Variants in SEPTIN10 observed in about 807,000 individuals in gnomAD.
SEPTIN10 encodes septin-10.
Under a neutral mutation model 54.8 loss-of-function variants are expected in SEPTIN10, and 66 were observed. That is an observed-to-expected ratio of 1.21 (90% CI 0.99 to 1.48). The LOEUF (loss-of-function observed/expected upper bound fraction) is 1.48, where lower values mean the gene tolerates loss of function less well. Among genes scored for constraint, SEPTIN10 ranks in the 40% most tolerant of loss-of-function variants. The pLI, the probability that SEPTIN10 is intolerant of heterozygous loss-of-function variation, is 0.00. For missense variants in SEPTIN10, 620 were observed against 545.6 expected, an observed-to-expected ratio of 1.14 and a Z score of -1.36; for synonymous variants, 161 against 181.0, an observed-to-expected ratio of 0.89 and a Z score of 0.89.
chr2:109,592,124 C>A (rs780473156), intron 2 of SEPTIN10, among the ~76,000 whole-genome samples: 9 of 151,902 alleles, frequency 5.9e-5, no homozygotes, highest in Admixed American at 2.6e-4. Context: ...TAAACTCTGC[C>A]ATTCACAGGA....
intron 5 of SEPTIN10, among the ~76,000 whole-genome samples, chr2:109,573,362 T>C (rs1419321165): frequency 6.6e-6 from 1 of 152,200 alleles, no homozygotes; most frequent in East Asian, 1.9e-4. Context: ...AAGACAAAAC[T>C]GCACACTCTT....
intron 6 of SEPTIN10, among the ~76,000 whole-genome samples, chr2:109,566,833 G>GATT (rs1220088880): frequency 2.0e-5 from 3 of 152,110 alleles, no homozygotes; most frequent in African/African-American, 7.2e-5. Flanking sequence ...TGAAGTTGAG[G>GATT]ATTAATACAG....
chr2:109,613,931 G>C lies in SEPTIN10; in HGVS notation c.-104C>G. 1.6e-6 allele frequency: 2 copies of C among 1,221,614 alleles called. No individual in the cohort carries two copies. Among genetic ancestry groups the C allele is most frequent in the South Asian group, 4.1e-5 (1 of 24,528 alleles). 75.7% of individuals were successfully genotyped at this position (1,221,614 alleles called of 1,614,324 possible). On this transcript the variant is annotated 5_prime_UTR_variant, in exon 1 of 11. Transcript: ENST00000397712. ...GCCGGAGGGCAGAAGCAACGGGCGG[G>C]GCGCGAGGCTAGGCTGCCTCCGCGA...
chr2:109,544,970 G>C (rs985413962), intron 10 of SEPTIN10: 1 of 985,150 alleles, frequency 1.0e-6, no homozygotes, highest in African/African-American at 1.7e-5. Flanking sequence ...AAATATATAA[G>C]CCAATAAAAT....
intron 8 of SEPTIN10, among the ~76,000 whole-genome samples, chr2:109,561,383 T>TA (rs1685623108): frequency 6.6e-6 from 1 of 152,172 alleles, no homozygotes; most frequent in African/African-American, 2.4e-5. Context: ...GCCTCTCCTT[T>TA]AGTGCTTATA....
At chr2:109,545,867 C>G (rs1484176800) in intron 10 of SEPTIN10, 183 bp downstream of exon 10, 19 of 1,446,904 alleles carry the variant, frequency 1.3e-5, no homozygotes, top group Middle Eastern at 2.6e-4. Flanking sequence ...AGGTGCTGTT[C>G]TGGATGCTGG....
At position 109,585,730 on chromosome 2, in the gene SEPTIN10, G is replaced by A. The variant is rs761861677; in HGVS notation, c.208C>T (p.Leu70Phe). ...AGTAGGTGGCACGTACCCACACAGAGAATATTAAAGCAGAAACCTTGCTGA... is the reference window on the plus strand; with the variant it reads ...AGTAGGTGGCACGTACCCACACAGAAAATATTAAAGCAGAAACCTTGCTGA... ...SIQQGFCFNI[L>F]CVGETGIGKS... The change falls in exon 3 of 11, where the codon CTC (leucine) becomes TTC (phenylalanine). Residue 70 changes from leucine to phenylalanine, a missense_variant. Physicochemically the swap from Leu to Phe is conservative, Grantham distance 22. Coordinates refer to ENST00000397712, the MANE Select transcript of SEPTIN10 (RefSeq NM_144710.5). 1.1e-5 allele frequency: 17 copies of A among 1,611,126 alleles called. No homozygotes were observed. Among genetic ancestry groups the A allele is most frequent in the Middle Eastern group, 3.8e-4 (2 of 5,276 alleles).
chr2:109,578,392 T>C (rs1426085209), intron 4 of SEPTIN10, among the ~76,000 whole-genome samples: 2 of 152,128 alleles, frequency 1.3e-5, no homozygotes, highest in East Asian at 1.9e-4. Context: ...ATGGAAGCAT[T>C]ACAAGAGAAA....
At chr2:109,603,961 A>G (rs942351658) in intron 1 of SEPTIN10, among the ~76,000 whole-genome samples, 2 of 151,656 alleles carry the variant, frequency 1.3e-5, no homozygotes, top group Admixed American at 6.6e-5. Context: ...GGAGATCGAG[A>G]CCATCCTGGC....
chr2:109,613,398 C>A, intron 1 of SEPTIN10: 1 of 327,814 alleles, frequency 3.1e-6, no homozygotes, highest in South Asian at 2.5e-5. Flanking sequence ...CTCCCGGCGG[C>A]AGGGAGGCTC....
intron 8 of SEPTIN10, among the ~76,000 whole-genome samples, chr2:109,553,602 C>T (rs867708651): frequency 6.6e-5 from 10 of 151,360 alleles, no homozygotes; most frequent in Middle Eastern, 6.9e-3. Flanking sequence ...CCTGTAATCC[C>T]AGCACTTTGG....
At chr2:109,596,480 G>A (rs1309332919) in intron 1 of SEPTIN10, among the ~76,000 whole-genome samples, 1 of 152,066 alleles carries the variant, frequency 6.6e-6, no homozygotes, top group Non-Finnish European at 1.5e-5. Context: ...AGCCGAGCGT[G>A]CTGGCAGGCA....
Position 109,574,745 on chromosome 2 carries a change from T to C in SEPTIN10, c.436A>G (p.Ile146Val), listed in dbSNP as rs756393819. 2.2e-5 allele frequency: 35 copies of C among 1,594,592 alleles called. No individual in the cohort carries two copies. Among genetic ancestry groups the C allele is most frequent in the Non-Finnish European group, 2.6e-5 (30 of 1,172,736 alleles). The change falls in exon 5 of 11, where the codon ATA becomes GTA. Residue 146 changes from isoleucine to valine, a missense_variant. By Grantham distance (29) the Ile-to-Val change is conservative. Transcript: ENST00000397712. ...EESYQPIVDY[I>V]DAQFEAYLQE... is the part of the protein sequence containing the mutation. ...AGATAGGCCTCAAACTGAGCATCTATGTAGTCAACTATTGGTTGGTAGCTG... is the reference window on the plus strand; with the variant it reads ...AGATAGGCCTCAAACTGAGCATCTACGTAGTCAACTATTGGTTGGTAGCTG...
intron 4 of SEPTIN10, among the ~76,000 whole-genome samples, chr2:109,578,532 GA>G (rs1690273764): frequency 3.2e-5 from 1 of 31,338 alleles, no homozygotes; most frequent in Non-Finnish European, 7.3e-5. Flanking sequence ...TTGGGAGGCC[GA>G]GGAGGGTGGA....
intron 8 of SEPTIN10, among the ~76,000 whole-genome samples, chr2:109,562,105 C>T (rs1685792489): frequency 6.6e-6 from 1 of 151,952 alleles, no homozygotes; most frequent in Non-Finnish European, 1.5e-5. Context: ...CCCAGCTACT[C>T]AGGAGGCTGA....
chr2:109,607,875 G>C (rs1698361164), intron 1 of SEPTIN10, among the ~76,000 whole-genome samples: 1 of 152,190 alleles, frequency 6.6e-6, no homozygotes, highest in African/African-American at 2.4e-5. Flanking sequence ...TTGTCTGGAG[G>C]TATCTATACT....
chr2:109,571,277 G>A (rs538187064), intron 5 of SEPTIN10, among the ~76,000 whole-genome samples: 1 of 152,252 alleles, frequency 6.6e-6, no homozygotes, highest in South Asian at 2.1e-4. Flanking sequence ...ATAGCAATGC[G>A]AGAACGGACT....
chr2:109,551,747 GT>G (rs143038318), intron 9 of SEPTIN10, among the ~76,000 whole-genome samples: 32 of 152,302 alleles, frequency 2.1e-4, no homozygotes, highest in African/African-American at 7.5e-4. Context: ...AGCAAGTACT[GT>G]AAGTGTATTT....
intron 9 of SEPTIN10, 83 bp downstream of exon 9, chr2:109,553,004 C>A: frequency 2.0e-6 from 3 of 1,519,416 alleles, no homozygotes; most frequent in Non-Finnish European, 2.7e-6. Context: ...AAAAGAGTCT[C>A]AAGCAAATTC....
Sources: gnomAD v4.1 joint callset for allele counts (sites outside exome capture counted in the v4.1 genomes callset) on GRCh38, gnomAD v4.1.1 for gene constraint, MANE v1.5 for transcripts, NCBI Gene and HGNC (gene_info 2026-07-23, HGNC 2026-07-21) for gene names.